Variants in UHMK1 observed in about 807,000 individuals in gnomAD.
UHMK1 encodes serine/threonine-protein kinase Kist.
UHMK1 carries 18 observed loss-of-function variants against 44.0 expected under a neutral mutation model. That is an observed-to-expected ratio of 0.41 (90% CI 0.28 to 0.61). The LOEUF is 0.61. UHMK1 is among the 20% of genes least tolerant of loss of function. UHMK1 has a pLI of 0.31. For synonymous variants in UHMK1, 231 were observed against 198.5 expected, an observed-to-expected ratio of 1.16 and a Z score of -1.38; for missense variants, 463 against 522.5, an observed-to-expected ratio of 0.89 and a Z score of 1.11.
chr1:162,503,611 C>CAA (rs33964112), intron 3 of UHMK1, 143 bp from the exon 4 acceptor site: 304 of 357,942 alleles, frequency 8.5e-4, no homozygotes, highest in South Asian at 1.9e-3. Flanking sequence ...ACCCTGTCTC[C>CAA]AAAAAAAAAA....
chr1:162,513,016 G>A (rs1270946907), intron 6 of UHMK1, 193 bp downstream of exon 6: 16 of 523,096 alleles, frequency 3.1e-5, no homozygotes, highest in Non-Finnish European at 4.3e-5. Context: ...GCAGTGGCAC[G>A]ATCTCAGCTC....
Position 162,503,827 on chromosome 1 carries a change from A to G in UHMK1, c.827A>G (p.His276Arg). ...AVVNAAIPAYHLRDLIKSMLH... is the reference protein window; with the variant it reads ...AVVNAAIPAYRLRDLIKSMLH... ...GTGAATGCCGCAATTCCAGCCTATCACCTAAGAGACCTTATCAAAAGGTAT... is the reference window on the plus strand; with the variant it reads ...GTGAATGCCGCAATTCCAGCCTATCGCCTAAGAGACCTTATCAAAAGGTAT... Residue 276 changes from histidine to arginine, a missense_variant, in exon 4 of 8, where the codon CAC (histidine) becomes CGC (arginine). By Grantham distance (29) the His-to-Arg change is conservative. Transcript: ENST00000489294. 1 of 1,614,112 alleles carries G rather than the reference A, an allele frequency of 6.2e-7. No individual in the cohort carries two copies. The highest frequency in any genetic ancestry group is 8.5e-7 in the Non-Finnish European group (1 of 1,179,984).
chr1:162,520,646 C>T (rs1652020764), intron 7 of UHMK1, among the ~76,000 whole-genome samples: 1 of 152,130 alleles, frequency 6.6e-6, no homozygotes, highest in South Asian at 2.1e-4. Flanking sequence ...ATCCAAGGCC[C>T]TGAGTATTCC....
rs528940055 is a variant in UHMK1 at position 162,514,560 on chromosome 1, A to AT, written c.1024+1737_1024+1738insT. ...GGTTTGTTTTGTTTATTGCTATATT[A>AT]ATAGCACTGACACACAGTAGGCACT... On this transcript the variant is annotated intron_variant, in intron 6 of 7. Transcript: ENST00000489294. 3.3e-5 allele frequency among the ~76,000 whole-genome samples: 5 copies of AT among 152,310 alleles called. No individual in the cohort carries two copies. The South Asian group carries it at 1.0e-3, about 32-fold the overall frequency.
chr1:162,519,908 C>CT (rs1651991946), intron 7 of UHMK1, among the ~76,000 whole-genome samples: 1 of 151,750 alleles, frequency 6.6e-6, no homozygotes, highest in African/African-American at 2.4e-5. Flanking sequence ...TTTATTGTAT[C>CT]TTTTTTTTGA....
intron 4 of UHMK1, among the ~76,000 whole-genome samples, chr1:162,510,485 T>G (rs1420414788): frequency 7.2e-5 from 11 of 152,198 alleles, no homozygotes. Context: ...GTATTTGTCT[T>G]TCTGGACCTG....
At position 162,523,281 on chromosome 1, in the gene UHMK1, A is replaced by G. The variant is rs1046406570; in HGVS notation, c.*731A>G. The G allele has an allele frequency of 2.0e-5, 3 of 152,636 alleles. No homozygotes were observed. The highest frequency in any genetic ancestry group is 7.2e-5 in the African/African-American group (3 of 41,450). The allele number at this position is 152,636 out of a possible 1,614,324, so 9.5% of individuals were successfully genotyped here. On this transcript the variant is annotated 3_prime_UTR_variant, in exon 8 of 8. Coordinates refer to ENST00000489294, the MANE Select transcript of UHMK1 (RefSeq NM_175866.5). ...CTTTATAGTGTGAATCCTGTGAGCT[A>G]ATACAGTCTATACTTATTTCTTCCC... is the stretch of plus-strand genomic sequence containing the variant.
intron 3 of UHMK1, among the ~76,000 whole-genome samples, chr1:162,503,514 G>T (rs1201277936): frequency 6.6e-6 from 1 of 151,690 alleles, no homozygotes; most frequent in African/African-American, 2.4e-5. Flanking sequence ...AGGAGGCTGA[G>T]GCAGGAGGAT....
chr1:162,503,390 A>G (rs982449152), intron 3 of UHMK1, among the ~76,000 whole-genome samples: 1 of 152,122 alleles, frequency 6.6e-6, no homozygotes, highest in African/African-American at 2.4e-5. Flanking sequence ...TGGGCAGATC[A>G]CTTGAGCCCA....
At position 162,527,948 on chromosome 1, in the gene UHMK1, G is replaced by A. The variant is rs186226952; in HGVS notation, c.*5398G>A. ...GTTTGTATTTTGTTTTTTTGGGGGG[G>A]GATCTTTATGTGAAAAATCAGAGCT... On this transcript the variant is annotated 3_prime_UTR_variant, in exon 8 of 8. Coordinates refer to ENST00000489294, the MANE Select transcript of UHMK1 (RefSeq NM_175866.5). 18 of 151,254 alleles carry A rather than the reference G, an allele frequency of 1.2e-4. No individual in the cohort carries two copies. The highest frequency in any genetic ancestry group is 9.2e-4 in the Admixed American group (14 of 15,140). The allele number at this position is 151,254 out of a possible 1,614,324, so 9.4% of individuals were successfully genotyped here.
intron 3 of UHMK1, 91 bp from the exon 4 acceptor site, chr1:162,503,663 G>T: frequency 6.0e-6 from 4 of 668,374 alleles, no homozygotes; most frequent in South Asian, 2.2e-5. Flanking sequence ...AGTGTTTTCT[G>T]TTGCATTTTA....
chr1:162,513,875 A>C (rs1240237971), intron 6 of UHMK1, among the ~76,000 whole-genome samples: 1 of 152,242 alleles, frequency 6.6e-6, no homozygotes, highest in Non-Finnish European at 1.5e-5. Flanking sequence ...GTATAGAATA[A>C]TATCTAGTTT....
chr1:162,499,006 G>C (rs961515404), intron 1 of UHMK1, among the ~76,000 whole-genome samples: 1 of 152,126 alleles, frequency 6.6e-6, no homozygotes, highest in African/African-American at 2.4e-5. Flanking sequence ...ATTAACACTA[G>C]TGCTACATTT....
At chr1:162,498,419 C>T in intron 1 of UHMK1, 151 bp downstream of exon 1, 4 of 977,622 alleles carry the variant, frequency 4.1e-6, no homozygotes, top group Non-Finnish European at 5.8e-6. Context: ...TTTCCCCTTT[C>T]ACTTTATTAC....
rs201425226 is a variant in UHMK1, at chr1:162,519,309, C to T, written c.1113+1119C>T. ...CCAGCCTGGGTGACAGAGCGAGACT[C>T]CATCTTAAAAAAAAAAAAAACAGTA... is the stretch of plus-strand genomic sequence containing the variant. On this transcript the variant is annotated intron_variant, in intron 7 of 7. Coordinates refer to ENST00000489294, the MANE Select transcript of UHMK1 (RefSeq NM_175866.5). 9.7e-5 allele frequency among the ~76,000 whole-genome samples: 7 copies of T among 72,152 alleles called. No homozygotes were observed. The East Asian group carries it at 2.9e-3, about 30-fold the overall frequency. The allele number at this position is 72,152 out of a possible 152,430, so 47.3% of individuals were successfully genotyped here.
intron 4 of UHMK1, 100 bp from the exon 5 acceptor site, chr1:162,512,400 T>C (rs1651697676): frequency 1.1e-6 from 1 of 902,018 alleles, no homozygotes; most frequent in Non-Finnish European, 1.7e-6. Context: ...GCTAATATAA[T>C]TAATGCTGTG....
chr1:162,524,126 T>G lies in UHMK1; in HGVS notation c.*1576T>G, dbSNP rs1005437639. The G allele has an allele frequency of 3.9e-5, 6 of 152,176 alleles. No individual in the cohort carries two copies. The highest frequency in any genetic ancestry group is 8.8e-5 in the Non-Finnish European group (6 of 68,034). The allele number at this position is 152,176 out of a possible 1,614,324, so 9.4% of individuals were successfully genotyped here. On this transcript the variant is annotated 3_prime_UTR_variant, in exon 8 of 8. Transcript: ENST00000489294. The stretch of plus-strand genomic sequence containing the variant: ...TTTATTTTTTCCTAAGGAAAAAGTC[T>G]TCTATCTTTCCCTGCTGGAAGCCTC...
chr1:162,505,001 C>T (rs564155437), intron 4 of UHMK1, among the ~76,000 whole-genome samples: 2 of 152,132 alleles, frequency 1.3e-5, no homozygotes, highest in Admixed American at 6.6e-5. Context: ...TCTCGAACTC[C>T]TGACCTCAAG....
chr1:162,518,838 A>G (rs1029796789), intron 7 of UHMK1, among the ~76,000 whole-genome samples: 3 of 150,684 alleles, frequency 2.0e-5, no homozygotes. Context: ...AATACAAAAA[A>G]TTAGCTGGGC....
Sources: allele counts gnomAD v4.1 joint callset (sites outside exome capture counted in the v4.1 genomes callset), GRCh38; gene constraint gnomAD v4.1.1; transcripts MANE v1.5; gene names NCBI Gene and HGNC (gene_info 2026-07-23, HGNC 2026-07-21).